DPF3: variants seen among roughly 807,000 people sequenced by gnomAD.
The protein encoded by DPF3 is zinc finger protein DPF3.
A neutral mutation model predicts 56.8 loss-of-function variants in DPF3; 18 were observed. That is an observed-to-expected ratio of 0.32 (90% CI 0.22 to 0.47). The LOEUF (loss-of-function observed/expected upper bound fraction) is 0.47. Ranked by LOEUF, DPF3 falls within the 20% of genes least tolerant of loss-of-function variation. The pLI, the probability that DPF3 is intolerant of heterozygous loss-of-function variation, is 1.00. For synonymous variants in DPF3, 188 were observed against 180.2 expected (o/e 1.04, Z -0.35); for missense variants, 403 against 488.8 (o/e 0.82, Z 1.65).
chr14:72,879,908 G>A (rs2140122608), intron 1 of DPF3: 3 of 1,516,298 alleles, frequency 2.0e-6, no homozygotes, highest in Non-Finnish European at 2.6e-6. Flanking sequence ...GTGTTTTCCG[G>A]GGAGATGATC....
At chr14:72,845,462 A>G (rs1461982353) in intron 1 of DPF3, among the ~76,000 whole-genome samples, 4 of 152,104 alleles carry the variant, frequency 2.6e-5, no homozygotes, top group African/African-American at 9.7e-5. Context: ...CCTGGCATCT[A>G]TGCTTACCTC....
chr14:72,801,164 T>G (rs1021419285), intron 1 of DPF3, among the ~76,000 whole-genome samples: 3 of 152,192 alleles, frequency 2.0e-5, no homozygotes, highest in Non-Finnish European at 2.9e-5. Flanking sequence ...CAGCATCTAC[T>G]TGGATCTGGG....
intron 1 of DPF3, among the ~76,000 whole-genome samples, chr14:72,851,403 C>T (rs764754744): frequency 3.9e-5 from 6 of 152,198 alleles, no homozygotes; most frequent in Admixed American, 3.3e-4. Context: ...TTAACTCACA[C>T]GGCACTATCT....
At chr14:72,702,532 GC>G (rs959848790) in intron 6 of DPF3, among the ~76,000 whole-genome samples, 3 of 152,082 alleles carry the variant, frequency 2.0e-5, no homozygotes, top group Non-Finnish European at 4.4e-5. Flanking sequence ...CCCACATCCT[GC>G]CGGATACCAT....
chr14:72,834,599 A>T (rs2140057602), intron 1 of DPF3, among the ~76,000 whole-genome samples: 1 of 152,126 alleles, frequency 6.6e-6, no homozygotes, highest in African/African-American at 2.4e-5. Flanking sequence ...CACTGATTGG[A>T]ACACAAAATG....
intron 6 of DPF3, among the ~76,000 whole-genome samples, chr14:72,697,334 AG>A (rs1887947590): frequency 6.6e-6 from 1 of 152,112 alleles, no homozygotes; most frequent in South Asian, 2.1e-4. Flanking sequence ...TAAACAAGCC[AG>A]GGGGAGGTGG....
At chr14:72,755,874 T>A (rs1890767809) in intron 2 of DPF3, among the ~76,000 whole-genome samples, 1 of 152,158 alleles carries the variant, frequency 6.6e-6, no homozygotes, top group Non-Finnish European at 1.5e-5. Flanking sequence ...CAGGGTTCCT[T>A]TATAGGAAAA....
chr14:72,723,820 G>T, intron 4 of DPF3, 92 bp from the exon 5 acceptor site: 1 of 1,295,540 alleles, frequency 7.7e-7, no homozygotes, highest in Non-Finnish European at 1.1e-6. Context: ...CTGATTTGTT[G>T]TTATTTTTTA....
intron 8 of DPF3, among the ~76,000 whole-genome samples, chr14:72,632,819 G>C (rs1236219412): frequency 8.0e-6 from 1 of 125,010 alleles, no homozygotes; most frequent in African/African-American, 3.0e-5. Flanking sequence ...GGGGAAGGGA[G>C]GGGAAGGGGA....
rs948696139 is a variant in DPF3, at chr14:72,614,487, G to A, written c.*4810C>T. Among the ~76,000 whole-genome samples the A allele has an allele frequency of 6.6e-6, 1 of 152,164 alleles. No individual in the cohort carries two copies. Among genetic ancestry groups the A allele is most frequent in the Non-Finnish European group, 1.5e-5 (1 of 68,032 alleles). ...CCCTCTTCCCTTCCCAGCTACTGGT[G>A]TCCTGGGCTTGGGGGACAGGGGCCT... On this transcript the variant is annotated 3_prime_UTR_variant, in exon 11 of 11. Transcript: ENST00000556509.
At chr14:72,714,557 G>A (rs755329528) in intron 5 of DPF3, 56 bp from the exon 6 acceptor site, 63 of 1,593,534 alleles carry the variant, frequency 4.0e-5, no homozygotes, top group East Asian at 1.6e-4. Context: ...CTACAGCTCC[G>A]GAGCATGCGC....
At chr14:72,785,310 G>A (rs150720009) in intron 1 of DPF3, among the ~76,000 whole-genome samples, 2 of 152,168 alleles carry the variant, frequency 1.3e-5, no homozygotes, top group East Asian at 1.9e-4. Context: ...ACTTGTAATT[G>A]TATTATTCCC....
At chr14:72,717,209 T>C (rs1461212224) in intron 5 of DPF3, among the ~76,000 whole-genome samples, 2 of 152,214 alleles carry the variant, frequency 1.3e-5, no homozygotes, top group Non-Finnish European at 2.9e-5. Context: ...AGAATCTTCC[T>C]CTTGCCACAC....
chr14:72,802,558 C>G (rs950237858), intron 1 of DPF3, among the ~76,000 whole-genome samples: 7 of 152,126 alleles, frequency 4.6e-5, no homozygotes, highest in Non-Finnish European at 1.0e-4. Flanking sequence ...CTCCTGTGAG[C>G]ACATACCTCA....
At position 72,610,931 on chromosome 14, in the gene DPF3, G is replaced by A. The variant is rs1455216846; in HGVS notation, c.*8366C>T. 6.6e-6 allele frequency among the ~76,000 whole-genome samples: 1 copy of A among 152,204 alleles called. No individual in the cohort carries two copies. The highest frequency in any genetic ancestry group is 2.4e-5 in the African/African-American group (1 of 41,448). ...AGAAGTCTTGGCTCAAAAGAACGTT[G>A]CCCACAGGCTTTCAAGTAGGTGAGT... On this transcript the variant is annotated 3_prime_UTR_variant, in exon 11 of 11. Coordinates refer to ENST00000556509, the MANE Select transcript of DPF3 (RefSeq NM_001280542.3).
At chr14:72,892,166 G>A (rs1886778150) in intron 1 of DPF3, 4 of 1,535,174 alleles carry the variant, frequency 2.6e-6, no homozygotes, top group Admixed American at 3.9e-5. Context: ...ATGTGAAATA[G>A]GTTCTCTAAC....
At chr14:72,827,098 A>G in intron 1 of DPF3, among the ~76,000 whole-genome samples, 1 of 131,638 alleles carries the variant, frequency 7.6e-6, no homozygotes, top group Non-Finnish European at 1.6e-5. Flanking sequence ...TTAGTACAAT[A>G]GCCTCTGCAA....
intron 2 of DPF3, among the ~76,000 whole-genome samples, chr14:72,769,751 C>T (rs957815179): frequency 6.6e-6 from 1 of 150,654 alleles, no homozygotes; most frequent in Admixed American, 6.6e-5. Context: ...GCAAGATAAG[C>T]CTCATAAGAA....
intron 8 of DPF3, among the ~76,000 whole-genome samples, chr14:72,664,865 G>C (rs545431842): frequency 1.3e-5 from 2 of 152,288 alleles, no homozygotes; most frequent in East Asian, 3.9e-4. Flanking sequence ...CAAGGAACAC[G>C]CCATCTGTTT....
Sources: allele counts gnomAD v4.1 joint callset (sites outside exome capture counted in the v4.1 genomes callset), GRCh38; gene constraint gnomAD v4.1.1; transcripts MANE v1.5; gene names NCBI Gene and HGNC (gene_info 2026-07-23, HGNC 2026-07-21).